The following MLX variants were observed in gnomAD, a reference collection of about 807,000 sequenced individuals.
The protein encoded by MLX is MAX dimerization protein MLX.
MLX carries 15 observed loss-of-function variants against 33.0 expected under a neutral mutation model. The ratio of observed to expected loss-of-function variants is 0.45; its 90% confidence interval spans 0.30 to 0.70. MLX has a LOEUF of 0.70. Ranked by LOEUF, MLX falls within the 30% of genes least tolerant of loss-of-function variation. The probability of loss-of-function intolerance (pLI) is 0.07; values close to 1 mark genes in which losing one functional copy is unlikely to be tolerated. For synonymous variants in MLX, 115 were observed against 115.6 expected (o/e 0.99, Z 0.03); for missense variants, 285 against 306.3 (o/e 0.93, Z 0.52).
chr17:42,571,726 G>A lies in MLX; in HGVS notation c.*123G>A. The stretch of plus-strand genomic sequence containing the variant: ...CACACTGGTCAGCTGGTTTCTACTT[G>A]GTGTTTGGTTTTTCCCAGCCCCATT... On this transcript the variant is annotated 3_prime_UTR_variant, in exon 8 of 8. Transcript: ENST00000435881. The A allele has an allele frequency of 1.1e-6, 1 of 943,422 alleles. No individual in the cohort carries two copies. Among genetic ancestry groups the A allele is most frequent in the Non-Finnish European group, 1.7e-6 (1 of 586,836 alleles). The allele number at this position is 943,422 out of a possible 1,614,324, so 58.4% of individuals were successfully genotyped here.
chr17:42,568,601 T>C (rs1291264105), intron 3 of MLX, 42 bp downstream of exon 3: 4 of 1,549,010 alleles, frequency 2.6e-6, no homozygotes, highest in South Asian at 1.1e-5. Context: ...GGCTCAGATA[T>C]GTCATAATTG....
In MLX at chr17:42,572,091, C is replaced by T. The variant is rs1156396136; in HGVS notation, c.*488C>T. 2 of 278,998 alleles carry T rather than the reference C, an allele frequency of 7.2e-6. No homozygotes were observed. The highest frequency in any genetic ancestry group is 3.4e-5 in the South Asian group (1 of 29,114). 17.3% of individuals were successfully genotyped at this position (278,998 alleles called of 1,614,324 possible). A position where few individuals can be genotyped will look rare whatever the true frequency, so the allele number is the denominator to read the frequency against. ...AGAGTAAGAGGAAATATTCCCACAG[C>T]CATGAAGGGTGAAAGGGCACCTTGT... is the stretch of plus-strand genomic sequence containing the variant. On this transcript the variant is annotated 3_prime_UTR_variant, in exon 8 of 8. Coordinates refer to ENST00000435881, the MANE Select transcript of MLX (RefSeq NM_198204.2).
At position 42,567,556 on chromosome 17, in the gene MLX, G is replaced by A. The variant is rs1343088561; in HGVS notation, c.43-63G>A. The stretch of plus-strand genomic sequence containing the variant: ...GGGGCGCGCTGTGCGTGCCTGCAGT[G>A]GAAGGGGCGCCTCCCCCTAGGGGCG... On this transcript the variant is annotated intron_variant, in intron 1 of 7. Transcript: ENST00000435881. The A allele has an allele frequency of 8.7e-6, 14 of 1,610,826 alleles. No homozygotes were observed. The African/African-American group carries it at 1.9e-4, about 22-fold the overall frequency.
Position 42,568,095 on chromosome 17 carries a change from C to G in MLX, c.80-375C>G, listed in dbSNP as rs1296468923. 3 of 216,152 alleles carry G rather than the reference C, an allele frequency of 1.4e-5. No homozygotes were observed. In the South Asian group the frequency reaches 2.1e-4, roughly 15 times the overall value. The allele number at this position is 216,152 out of a possible 1,614,324, so 13.4% of individuals were successfully genotyped here. A position where few individuals can be genotyped will look rare whatever the true frequency, so the allele number is the denominator to read the frequency against. Reference sequence around the variant, plus strand: ...GCCATTGTGTGGCCGGGCGCGGTGGCTCACCCCTGTAATCCCAGCACTTTG... The same window carrying G: ...GCCATTGTGTGGCCGGGCGCGGTGGGTCACCCCTGTAATCCCAGCACTTTG... On this transcript the variant is annotated intron_variant, in intron 2 of 7. Transcript: ENST00000435881.
In MLX at chr17:42,567,232, C is replaced by T. The variant is rs1429703394; in HGVS notation, c.42+66C>T. ...GTCGGGCTCGTGCACGTAGGGGGGC[C>T]GGAAGACGAGGGGCTTCCCTCCTGT... is the stretch of plus-strand genomic sequence containing the variant. On this transcript the variant is annotated intron_variant, in intron 1 of 7. Transcript: ENST00000435881. The T allele has an allele frequency of 4.6e-6, 6 of 1,314,550 alleles. No individual in the cohort carries two copies. Among genetic ancestry groups the T allele is most frequent in the Non-Finnish European group, 4.9e-6 (5 of 1,026,952 alleles). 81.4% of individuals were successfully genotyped at this position (1,314,550 alleles called of 1,614,324 possible).
chr17:42,568,583 C>T (rs2093018493), intron 3 of MLX, 24 bp downstream of exon 3: 6 of 1,578,542 alleles, frequency 3.8e-6, no homozygotes, highest in Admixed American at 1.7e-5. Flanking sequence ...TCCCCCCCGA[C>T]CTCGGGGGGC....
Position 42,571,685 on chromosome 17 carries a change from C to T in MLX, c.*82C>T. ...CCACTGAACTGCTGGGCCCGGGAGA[C>T]TGGACTACAACACCTCACACTGGTC... On this transcript the variant is annotated 3_prime_UTR_variant, in exon 8 of 8. Coordinates refer to ENST00000435881, the MANE Select transcript of MLX (RefSeq NM_198204.2). The T allele has an allele frequency of 2.3e-6, 3 of 1,318,052 alleles. No homozygotes were observed. Among genetic ancestry groups the T allele is most frequent in the Non-Finnish European group, 3.3e-6 (3 of 910,164 alleles). 81.6% of individuals were successfully genotyped at this position (1,318,052 alleles called of 1,614,324 possible). A position where few individuals can be genotyped will look rare whatever the true frequency, so the allele number is the denominator to read the frequency against.
chr17:42,567,770 C>T, intron 2 of MLX, 115 bp downstream of exon 2: 3 of 1,412,516 alleles, frequency 2.1e-6, no homozygotes, highest in South Asian at 1.2e-5. Flanking sequence ...AGCAGAGTTC[C>T]TGGCTTGAGA....
Position 42,569,520 on chromosome 17 carries a change from TCA to T in MLX, c.391_392del (p.Gln131ValfsTer31). On this transcript the variant is annotated frameshift_variant, in exon 6 of 8. Coordinates refer to ENST00000435881, the MANE Select transcript of MLX (RefSeq NM_198204.2). LOFTEE classifies it high-confidence loss of function. The stretch of plus-strand genomic sequence containing the variant: ...CCCCCACCCTAGCCATTGACTACAT[TCA>T]GTTTTTGCACAAGGAGAAGAAAAAG... ...IVLQKTIDYI[Q>X]FLHKEKKKQE... 1 of 1,613,970 alleles carries T rather than the reference TCA, an allele frequency of 6.2e-7. No individual in the cohort carries two copies. Among genetic ancestry groups the T allele is most frequent in the Non-Finnish European group, 8.5e-7 (1 of 1,179,938 alleles).
At position 42,572,470 on chromosome 17, in the gene MLX, T is replaced by G. The variant is rs1172536204; in HGVS notation, c.*867T>G. ...CTGCATTTCTCCCAGGACTTGGGGG[T>G]GGGGTGAAAAGCGTACAAAAGATAC... is the stretch of plus-strand genomic sequence containing the variant. On this transcript the variant is annotated 3_prime_UTR_variant, in exon 8 of 8. Transcript: ENST00000435881. 4 of 454,072 alleles carry G rather than the reference T, an allele frequency of 8.8e-6. No individual in the cohort carries two copies. The Admixed American group carries it at 9.4e-5, about 11-fold the overall frequency. 28.1% of individuals were successfully genotyped at this position (454,072 alleles called of 1,614,324 possible).
chr17:42,571,611 T>C lies in MLX; in HGVS notation c.*8T>C. On this transcript the variant is annotated 3_prime_UTR_variant, in exon 8 of 8. Transcript: ENST00000435881. ...AAAAACCAGCTTTACTGACCGGTTC[T>C]TGGAAACCTGGAGAACAGCCAACAA... 1 of 1,612,442 alleles carries C rather than the reference T, an allele frequency of 6.2e-7. No homozygotes were observed.
At position 42,572,576 on chromosome 17, in the gene MLX, CCT is replaced by C. The variant is rs1240808244; in HGVS notation, c.*980_*981del. 4.4e-6 allele frequency: 2 copies of C among 453,612 alleles called. No individual in the cohort carries two copies. The highest frequency in any genetic ancestry group is 4.7e-5 in the Admixed American group (2 of 42,452). The allele number at this position is 453,612 out of a possible 1,614,324, so 28.1% of individuals were successfully genotyped here. A position where few individuals can be genotyped will look rare whatever the true frequency, so the allele number is the denominator to read the frequency against. On this transcript the variant is annotated 3_prime_UTR_variant, in exon 8 of 8. Coordinates refer to ENST00000435881, the MANE Select transcript of MLX (RefSeq NM_198204.2). ...CCTCCAAATGCTCGTTTTATAGCAACCTCTCTCTACCCTAGTTCTCCAAATTC... is the reference window on the plus strand; with the variant it reads ...CCTCCAAATGCTCGTTTTATAGCAACCTCTCTACCCTAGTTCTCCAAATTC...
Position 42,568,469 on chromosome 17 carries a change from G to A in MLX, c.80-1G>A, listed in dbSNP as rs1408632026. 1.2e-6 allele frequency: 2 copies of A among 1,613,298 alleles called. No homozygotes were observed. The highest frequency in any genetic ancestry group is 4.5e-5 in the East Asian group (2 of 44,856). On this transcript the variant is annotated splice_acceptor_variant, in intron 2 of 7. Coordinates refer to ENST00000435881, the MANE Select transcript of MLX (RefSeq NM_198204.2). LOFTEE classifies it high-confidence loss of function. ...TAGTGATTGGGGCCTCTCTTTTCCA[G>A]GGCTTTTTGTAGAAAGCACCCGCAA...
rs982349429 is a variant in MLX, at chr17:42,568,847, C to A, written c.180C>A (p.Asp60Glu). Reference sequence around the variant, plus strand: ...CATCTCTGAGCGTAGATGATGAGGACAGTGATTACCACCAGGAGGCCTACA... The same window carrying A: ...CATCTCTGAGCGTAGATGATGAGGAAAGTGATTACCACCAGGAGGCCTACA... ...ASSVPNTDDE[D>E]SDYHQEAYKE... is the part of the protein sequence containing the mutation. Residue 60 changes from aspartate to glutamate, a missense_variant, in exon 4 of 8, where the codon GAC becomes GAA. Transcript: ENST00000435881. 6.2e-7 allele frequency: 1 copy of A among 1,608,492 alleles called. No homozygotes were observed. Among genetic ancestry groups the A allele is most frequent in the Non-Finnish European group, 8.5e-7 (1 of 1,177,170 alleles).
At chr17:42,567,534 G>C in intron 1 of MLX, 85 bp from the exon 2 acceptor site, 1 of 1,598,496 alleles carries the variant, frequency 6.3e-7, no homozygotes, top group Non-Finnish European at 8.5e-7. Flanking sequence ...GGAATGGGGG[G>C]CGCGCTGTGC....
chr17:42,570,502 A>G (rs1397093868), intron 7 of MLX, among the ~76,000 whole-genome samples: 1 of 152,196 alleles, frequency 6.6e-6, no homozygotes, highest in Admixed American at 6.5e-5. Context: ...CTGGGACCCT[A>G]CCTTTAGGCC....
rs539883462 is a variant in MLX, at chr17:42,570,120, G to T, written c.615G>T (p.Val205=). ...LFQSFNASIS[V]ASFQELSACV... ...AGTCCTTCAATGCCTCCATCTCAGT[G>T]GCCAGCTTCCAGGAGCTGTCAGCGT... The change falls in exon 7 of 8, where the codon GTG becomes GTT. Residue 205 remains valine, a synonymous_variant. Transcript: ENST00000435881. The T allele has an allele frequency of 5.8e-5, 94 of 1,614,132 alleles. No homozygotes were observed. In the South Asian group the frequency reaches 9.7e-4, roughly 17 times the overall value.
chr17:42,568,566 AG>A lies in MLX; in HGVS notation c.169+8del. On this transcript the variant is annotated splice_region_variant and intron_variant, in intron 3 of 7. Transcript: ENST00000435881. ...TCTTCTGTCCCCAACACAGGTAGGC[AG>A]TAACATCCCCCCCGACCTCGGGGGG... is the stretch of plus-strand genomic sequence containing the variant. The A allele has an allele frequency of 1.2e-6, 2 of 1,611,638 alleles. No individual in the cohort carries two copies. Among genetic ancestry groups the A allele is most frequent in the Non-Finnish European group, 1.7e-6 (2 of 1,177,842 alleles).
intron 2 of MLX, 77 bp downstream of exon 2, chr17:42,567,732 C>T: frequency 6.3e-7 from 1 of 1,580,076 alleles, no homozygotes; most frequent in Non-Finnish European, 8.7e-7. Context: ...CGTTGCCAAC[C>T]ACGCCTGAGC....
Sources: gnomAD v4.1 joint callset for allele counts (sites outside exome capture counted in the v4.1 genomes callset) on GRCh38, gnomAD v4.1.1 for gene constraint, MANE v1.5 for transcripts, NCBI Gene and HGNC (gene_info 2026-07-23, HGNC 2026-07-21) for gene names.